Variants in SKOR2 observed in about 807,000 individuals in gnomAD.
The protein encoded by SKOR2 is SKI family transcriptional corepressor 2.
In SKOR2, 47 loss-of-function variants were observed where a neutral mutation model predicts 69.1. The observed-to-expected ratio is 0.68, with a 90% CI of 0.54 to 0.87. The LOEUF is 0.87. Ranked by LOEUF, SKOR2 falls within the 40% of genes least tolerant of loss-of-function variation. The pLI is 0.00. For missense variants in SKOR2, 1,404 were observed against 1,472.2 expected, an observed-to-expected ratio of 0.95 and a Z score of 0.76; for synonymous variants, 717 against 672.6, an observed-to-expected ratio of 1.07 and a Z score of -1.02.
Position 47,247,145 on chromosome 18 carries a change from G to A in SKOR2, c.2039C>T (p.Pro680Leu). 1 of 1,279,410 alleles carries A rather than the reference G, an allele frequency of 7.8e-7. No homozygotes were observed. Among genetic ancestry groups the A allele is most frequent in the South Asian group, 2.8e-5 (1 of 35,142 alleles). The allele number at this position is 1,279,410 out of a possible 1,614,324, so 79.3% of individuals were successfully genotyped here. A position where few individuals can be genotyped will look rare whatever the true frequency, so the allele number is the denominator to read the frequency against. Reference sequence around the variant, plus strand: ...GGAACCCGGCTCGTCGGGCTGCGGGGGCAGCAGCAGAAGCGGCGACGGCGG... The same window carrying A: ...GGAACCCGGCTCGTCGGGCTGCGGGAGCAGCAGCAGAAGCGGCGACGGCGG... ...PQPPSPLLLL[P>L]PQPDEPGSER... Residue 680 changes from proline (P) to leucine (L), a missense_variant, in exon 2 of 9, where the codon CCC becomes CTC. Transcript: ENST00000425639. The surrounding 1 kb of genome is among the most constrained non-coding windows in gnomAD (Gnocchi z 6.6).
rs549741504 is a variant in SKOR2 at position 47,248,848 on chromosome 18, C to A, written c.336G>T (p.Ser112=). The A allele has an allele frequency of 8.4e-5, 131 of 1,562,806 alleles. No individual in the cohort carries two copies. Among genetic ancestry groups the A allele is most frequent in the Middle Eastern group, 5.0e-4 (3 of 6,020 alleles). The change falls in exon 2 of 9, where the codon TCG becomes TCT. Residue 112 remains serine (S), a synonymous_variant. Coordinates refer to ENST00000425639, the MANE Select transcript of SKOR2 (RefSeq NM_001278063.4). The surrounding 1 kb of genome is among the most constrained non-coding windows in gnomAD (Gnocchi z 6.4). The part of the protein sequence containing the change: ...LRRAGAMPIS[S]RRCGMITKRE... The stretch of plus-strand genomic sequence containing the variant: ...GTTTGGTGATCATGCCGCAGCGGCG[C>A]GATGAGATGGGCATGGCCCCGGCAC...
intron 8 of SKOR2, among the ~76,000 whole-genome samples, chr18:47,208,746 A>G (rs574765887): frequency 6.6e-6 from 1 of 152,200 alleles, no homozygotes; most frequent in African/African-American, 2.4e-5. Flanking sequence ...AGGTGAAAGG[A>G]TAATGCCTGC....
chr18:47,231,103 T>A, intron 4 of SKOR2, 103 bp from the exon 5 acceptor site: 1 of 1,535,788 alleles, frequency 6.5e-7, no homozygotes, highest in South Asian at 1.2e-5. Flanking sequence ...TTATTTAATA[T>A]AACCTGAAAT....
rs185480252 is a variant in SKOR2, at chr18:47,238,559, G to A, written c.2752+6349C>T. Among the ~76,000 whole-genome samples, 165 of 152,162 alleles carry A rather than the reference G, an allele frequency of 1.1e-3. 2 individuals are homozygous for A. Among genetic ancestry groups the A allele is most frequent in the African/African-American group, 3.6e-3 (149 of 41,520 alleles). ...GCTGGTCTTGAACTCCTGACCTCAG[G>A]CAATCCACCTGCCTCAGCCTCCCAA... On this transcript the variant is annotated intron_variant, in intron 4 of 8. Coordinates refer to ENST00000425639, the MANE Select transcript of SKOR2 (RefSeq NM_001278063.4).
intron 8 of SKOR2, among the ~76,000 whole-genome samples, chr18:47,209,542 G>A (rs1327412083): frequency 6.6e-6 from 1 of 152,098 alleles, no homozygotes; most frequent in Non-Finnish European, 1.5e-5. Flanking sequence ...AAAGCACCAG[G>A]GTCTACTTAG....
intron 4 of SKOR2, among the ~76,000 whole-genome samples, chr18:47,241,085 C>T (rs960345175): frequency 3.3e-5 from 5 of 152,198 alleles, no homozygotes; most frequent in Admixed American, 1.3e-4. Flanking sequence ...CTTAGGTAAT[C>T]TGTCTCCTCC....
At chr18:47,242,159 A>G (rs1274846209) in intron 4 of SKOR2, among the ~76,000 whole-genome samples, 1 of 152,180 alleles carries the variant, frequency 6.6e-6, no homozygotes, top group Non-Finnish European at 1.5e-5. Flanking sequence ...CTAGGTCAAT[A>G]AGCATGGGGA....
At position 47,231,565 on chromosome 18, in the gene SKOR2, C is replaced by T. The variant is rs193022054; in HGVS notation, c.2753-565G>A. On this transcript the variant is annotated intron_variant, in intron 4 of 8. Transcript: ENST00000425639. ...TTTTTTTAAAAAAAACAACTTGGGC[C>T]GGGCGCGGTGGCTCACGCCTATAAT... is the stretch of plus-strand genomic sequence containing the variant. Among the ~76,000 whole-genome samples the T allele has an allele frequency of 3.4e-3, 521 of 152,046 alleles. 2 individuals carry two copies. The highest frequency in any genetic ancestry group is 4.8e-3 in the Non-Finnish European group (329 of 67,996).
intron 7 of SKOR2, among the ~76,000 whole-genome samples, chr18:47,213,597 A>G (rs2144477281): frequency 6.6e-6 from 1 of 152,072 alleles, no homozygotes; most frequent in African/African-American, 2.4e-5. Context: ...TCTTTTTAAC[A>G]GGAAAAAAAA....
At chr18:47,250,494 A>C (rs2064307651) in intron 1 of SKOR2, among the ~76,000 whole-genome samples, 1 of 152,268 alleles carries the variant, frequency 6.6e-6, no homozygotes, top group South Asian at 2.1e-4. Flanking sequence ...TGGCCAAGGC[A>C]TGCTTTGCCC....
At chr18:47,223,325 T>G (rs777793641) in intron 6 of SKOR2, among the ~76,000 whole-genome samples, 10 of 152,010 alleles carry the variant, frequency 6.6e-5, no homozygotes, top group Non-Finnish European at 1.5e-4. Context: ...GGAAATAATA[T>G]GAAATACCAA....
At chr18:47,215,344 T>C (rs1204761722) in intron 7 of SKOR2, among the ~76,000 whole-genome samples, 1 of 152,156 alleles carries the variant, frequency 6.6e-6, no homozygotes, top group Non-Finnish European at 1.5e-5. Context: ...TGCAAAATAG[T>C]AATGGTCCTA....
At chr18:47,228,379 G>A (rs1475102702) in intron 6 of SKOR2, among the ~76,000 whole-genome samples, 1 of 152,222 alleles carries the variant, frequency 6.6e-6, no homozygotes, top group African/African-American at 2.4e-5. Context: ...AATGATGAAT[G>A]AGAGGTCTGA....
In SKOR2 at chr18:47,247,618, G is replaced by A; in HGVS notation, c.1566C>T (p.Ser522=). The change falls in exon 2 of 9, where the codon AGC becomes AGT. Residue 522 remains serine (S), a synonymous_variant. Coordinates refer to ENST00000425639, the MANE Select transcript of SKOR2 (RefSeq NM_001278063.4). The surrounding 1 kb of genome is among the most constrained non-coding windows in gnomAD (Gnocchi z 6.6). The stretch of plus-strand genomic sequence containing the variant: ...GCCCCGGCGGGGGCGCGGCCTCGGC[G>A]CTCCCAGCAGCACCGCCTGGCTCAG... ...DLAEPGGAAG[S]AEAAPPPGQP... 2 of 1,286,454 alleles carry A rather than the reference G, an allele frequency of 1.6e-6. No homozygotes were observed. Among genetic ancestry groups the A allele is most frequent in the Non-Finnish European group, 2.0e-6 (2 of 1,019,562 alleles). 79.7% of individuals were successfully genotyped at this position (1,286,454 alleles called of 1,614,324 possible).
intron 7 of SKOR2, 159 bp downstream of exon 7, chr18:47,219,784 G>T: frequency 1.6e-6 from 1 of 618,578 alleles, no homozygotes; most frequent in South Asian, 2.0e-5. Flanking sequence ...TGTTTATCCT[G>T]TGTCTAAGTA....
rs966038805 is a variant in SKOR2, at chr18:47,248,380, G to T, written c.804C>A (p.Ala268=). The T allele has an allele frequency of 3.1e-6, 4 of 1,296,770 alleles. No individual in the cohort carries two copies. In the African/African-American group the frequency reaches 6.3e-5, roughly 20 times the overall value. The allele number at this position is 1,296,770 out of a possible 1,614,324, so 80.3% of individuals were successfully genotyped here. Reference sequence around the variant, plus strand: ...GCAGACCCCCGCCTCCGGCCACCGCGGCCGCGGCGGCCACGGCGGCCGCCT... The same window carrying T: ...GCAGACCCCCGCCTCCGGCCACCGCTGCCGCGGCGGCCACGGCGGCCGCCT... The part of the protein sequence containing the change: ...SVKAAAVAAA[A]AVAGGGGLLG... Residue 268 remains alanine (A), a synonymous_variant, in exon 2 of 9, where the codon GCC becomes GCA. Coordinates refer to ENST00000425639, the MANE Select transcript of SKOR2 (RefSeq NM_001278063.4). This position sits in a 1 kb window ranked among gnomAD's most constrained non-coding sequence, Gnocchi z 6.4.
intron 7 of SKOR2, among the ~76,000 whole-genome samples, chr18:47,212,977 CA>C (rs1414142765): frequency 6.6e-6 from 1 of 152,046 alleles, no homozygotes; most frequent in South Asian, 2.1e-4. Flanking sequence ...CTTACACACA[CA>C]AAGAAGCATC....
chr18:47,250,223 C>T (rs1306910792), intron 1 of SKOR2, among the ~76,000 whole-genome samples: 1 of 152,164 alleles, frequency 6.6e-6, no homozygotes, highest in South Asian at 2.1e-4. Context: ...AGCTGCCCCA[C>T]CATACAGCCA....
intron 8 of SKOR2, among the ~76,000 whole-genome samples, chr18:47,207,547 C>T (rs1193978040): frequency 6.6e-6 from 1 of 151,970 alleles, no homozygotes; most frequent in Non-Finnish European, 1.5e-5. Flanking sequence ...GTGTGTTGGT[C>T]CAAAGATTAA....
Sources: allele counts gnomAD v4.1 joint callset (sites outside exome capture counted in the v4.1 genomes callset), GRCh38; gene constraint gnomAD v4.1.1; non-coding constraint Gnocchi (gnomAD v3.1); transcripts MANE v1.5; gene names NCBI Gene and HGNC (gene_info 2026-07-23, HGNC 2026-07-21).